Variants in DSG4 observed in about 807,000 individuals in gnomAD.
DSG4 encodes the protein desmoglein 4.
In DSG4, 87 loss-of-function variants were observed where a neutral mutation model predicts 93.1. That is an observed-to-expected ratio of 0.93 (90% confidence interval 0.79 to 1.12). DSG4 has a LOEUF of 1.12. Ranked by LOEUF, DSG4 falls within the 50% of genes most tolerant of loss-of-function variation. The probability of loss-of-function intolerance (pLI) is 0.00; values close to 1 mark genes in which losing one functional copy is unlikely to be tolerated. For synonymous variants in DSG4, 432 were observed against 452.9 expected (o/e 0.95, Z 0.59); for missense variants, 1,373 against 1,285.7 (o/e 1.07, Z -1.04).
chr18:31,377,304 A>C (rs577558345), intron 1 of DSG4, among the ~76,000 whole-genome samples: 1 of 152,352 alleles, frequency 6.6e-6, no homozygotes, highest in African/African-American at 2.4e-5. Flanking sequence ...GAAAACTGCC[A>C]GTGCAAATGG....
At chr18:31,390,595 A>G (rs2072236647) in intron 5 of DSG4, 61 bp from the exon 6 acceptor site, 1 of 1,601,814 alleles carries the variant, frequency 6.2e-7, no homozygotes, top group Admixed American at 1.7e-5. Flanking sequence ...CTTATGCCTA[A>G]TGATTTGCTG....
In DSG4 at chr18:31,376,922, T is replaced by C. The variant is rs2072083269; in HGVS notation, c.11T>C (p.Leu4Pro). Residue 4 changes from leucine to proline, a missense_variant, in exon 1 of 16, where the codon CTC becomes CCC. Leu to Pro is a moderately conservative substitution (Grantham distance 98, BLOSUM62 -3). Coordinates refer to ENST00000308128, the MANE Select transcript of DSG4 (RefSeq NM_177986.5). The stretch of plus-strand genomic sequence containing the variant: ...GAGAAACCCAAAGGAATGGATTGGC[T>C]CTTCTTCAGAAACATTTGCCTTTTG... MDW[L>P]FFRNICLLII... is the part of the protein sequence containing the mutation. 3 of 1,613,554 alleles carry C rather than the reference T, an allele frequency of 1.9e-6. No homozygotes were observed. The highest frequency in any genetic ancestry group is 2.5e-6 in the Non-Finnish European group (3 of 1,179,738).
chr18:31,396,354 CTTTTT>C (rs71383035), intron 8 of DSG4, among the ~76,000 whole-genome samples: 1 of 73,972 alleles, frequency 1.4e-5, no homozygotes, highest in Admixed American at 1.4e-4. Flanking sequence ...AGGGTCATTG[CTTTTT>C]TTTTTTTTTT....
At position 31,413,948 on chromosome 18, in the gene DSG4, T is replaced by A. The variant is rs1045324631; in HGVS notation, c.*353T>A. ...ACCAAGATGCCTTGTTCTTGGAAGT[T>A]ACAAAAGAAGCCCTGTCTACATCCA... On this transcript the variant is annotated 3_prime_UTR_variant, in exon 16 of 16. Coordinates refer to ENST00000308128, the MANE Select transcript of DSG4 (RefSeq NM_177986.5). 2 of 174,770 alleles carry A rather than the reference T, an allele frequency of 1.1e-5. No homozygotes were observed. Among genetic ancestry groups the A allele is most frequent in the African/African-American group, 4.8e-5 (2 of 41,908 alleles). 10.8% of individuals were successfully genotyped at this position (174,770 alleles called of 1,614,324 possible). A position where few individuals can be genotyped will look rare whatever the true frequency, so the allele number is the denominator to read the frequency against.
intron 12 of DSG4, among the ~76,000 whole-genome samples, chr18:31,408,513 T>C (rs2072451820): frequency 6.6e-6 from 1 of 152,264 alleles, no homozygotes; most frequent in Non-Finnish European, 1.5e-5. Context: ...AAAGCTGATT[T>C]TGCAACTTTG....
Position 31,392,275 on chromosome 18 carries a change from G to T in DSG4, c.940G>T (p.Asp314Tyr), listed in dbSNP as rs774927290. 2.5e-6 allele frequency: 4 copies of T among 1,613,762 alleles called. No homozygotes were observed. Among genetic ancestry groups the T allele is most frequent in the Non-Finnish European group, 2.5e-6 (3 of 1,179,836 alleles). The change falls in exon 8 of 16, where the codon GAT becomes TAT. Residue 314 changes from aspartate to tyrosine, a missense_variant. By Grantham distance (160) the Asp-to-Tyr change is radical. Coordinates refer to ENST00000308128, the MANE Select transcript of DSG4 (RefSeq NM_177986.5). ...LAQYLILSGN[D>Y]GNWFDIQTDP... ...TCAATATTTAATTCTCTCTGGAAATGATGGGAATTGGTTCGATATTCAAAC... is the reference window on the plus strand; with the variant it reads ...TCAATATTTAATTCTCTCTGGAAATTATGGGAATTGGTTCGATATTCAAAC...
At chr18:31,388,606 C>T (rs1264695566) in intron 4 of DSG4, 84 bp downstream of exon 4, 41 of 1,539,978 alleles carry the variant, frequency 2.7e-5, no homozygotes, top group South Asian at 2.2e-4. Context: ...TAATGGATTA[C>T]TTTTGATAAA....
intron 8 of DSG4, among the ~76,000 whole-genome samples, chr18:31,395,398 G>A (rs1412151160): frequency 6.6e-6 from 1 of 151,950 alleles, no homozygotes; most frequent in African/African-American, 2.4e-5. Flanking sequence ...CTTAAAAAGA[G>A]TAAGAAAAAA....
rs1277682156 is a variant in DSG4 at position 31,412,861 on chromosome 18, C to T, written c.2389C>T (p.Arg797Ter). The change falls in exon 16 of 16, where the codon CGA becomes TGA. Residue 797 changes from arginine (R) to a stop codon, truncating the protein, a stop_gained. Coordinates refer to ENST00000308128, the MANE Select transcript of DSG4 (RefSeq NM_177986.5). LOFTEE classifies it high-confidence loss of function. ...TGCTTATGCAGATGAAGATGAAGGT[C>T]GACCAGCCAATGACTGCTTGCTCAT... ...AYAYADEDEGRPANDCLLIYD... is the reference protein window; with the variant it reads ...AYAYADEDEG 1.2e-6 allele frequency: 2 copies of T among 1,614,128 alleles called. No individual in the cohort carries two copies. The highest frequency in any genetic ancestry group is 1.1e-5 in the South Asian group (1 of 91,066).
Position 31,392,141 on chromosome 18 carries a change from T to A in DSG4, c.820-14T>A. 1 of 1,613,078 alleles carries A rather than the reference T, an allele frequency of 6.2e-7. No homozygotes were observed. Among genetic ancestry groups the A allele is most frequent in the Non-Finnish European group, 8.5e-7 (1 of 1,179,304 alleles). Reference sequence around the variant, plus strand: ...GAAAATTCATTGACTACAAAATTGATCCTTGCATTTTAGTACTCAGCCAGT... The same window carrying A: ...GAAAATTCATTGACTACAAAATTGAACCTTGCATTTTAGTACTCAGCCAGT... On this transcript the variant is annotated splice_polypyrimidine_tract_variant and intron_variant, in intron 7 of 15. Transcript: ENST00000308128.
intron 12 of DSG4, 84 bp from the exon 13 acceptor site, chr18:31,409,368 C>G: frequency 6.2e-7 from 1 of 1,600,822 alleles, no homozygotes; most frequent in Non-Finnish European, 8.5e-7. Flanking sequence ...ATACTGCCAC[C>G]AAATGCTCCC....
At chr18:31,409,914 G>C (rs989481485) in intron 14 of DSG4, 106 bp downstream of exon 14, 2 of 1,296,878 alleles carry the variant, frequency 1.5e-6, no homozygotes, top group African/African-American at 1.5e-5. Context: ...CAGTCTCTTT[G>C]GGTGACAGTA....
rs151041569 is a variant in DSG4, at chr18:31,383,013, T to G, written c.49-2123T>G. On this transcript the variant is annotated intron_variant, in intron 1 of 15. Coordinates refer to ENST00000308128, the MANE Select transcript of DSG4 (RefSeq NM_177986.5). ...CTCATCCGTTTAAACTACAGACAAG[T>G]CTGCTTGATGTGGCTACTTTCAAGT... 2.1e-3 allele frequency among the ~76,000 whole-genome samples: 315 copies of G among 152,266 alleles called. 2 individuals carry two copies. The highest frequency in any genetic ancestry group is 7.3e-3 in the African/African-American group (304 of 41,568).
At chr18:31,398,549 C>T (rs907728642) in intron 8 of DSG4, among the ~76,000 whole-genome samples, 2 of 152,196 alleles carry the variant, frequency 1.3e-5, no homozygotes, top group Admixed American at 6.5e-5. Context: ...CCCTTCTAAG[C>T]AGACATTGTT....
At chr18:31,382,269 C>T (rs1374556885) in intron 1 of DSG4, 1 of 152,232 alleles carries the variant, frequency 6.6e-6, no homozygotes, top group Non-Finnish European at 1.5e-5. Flanking sequence ...CAAGCCACAT[C>T]AGTGGATGAT....
At chr18:31,403,321 T>A in intron 10 of DSG4, 95 bp from the exon 11 acceptor site, 1 of 1,064,032 alleles carries the variant, frequency 9.4e-7, no homozygotes. Context: ...CACGTATATG[T>A]TTCCTACAAG....
rs141009279 is a variant in DSG4 at position 31,407,229 on chromosome 18, G to A, written c.1933+856G>A. Among the ~76,000 whole-genome samples, 467 of 152,314 alleles carry A rather than the reference G, an allele frequency of 3.1e-3. 1 individual carries two copies. The highest frequency in any genetic ancestry group is 0.011 in the African/African-American group (452 of 41,572). On this transcript the variant is annotated intron_variant, in intron 12 of 15. Coordinates refer to ENST00000308128, the MANE Select transcript of DSG4 (RefSeq NM_177986.5). ...AGCAGAGAGGCAAAAGGGAGTCTGG[G>A]AGCCAGCATGGAGGCATGTTCATGA...
Position 31,412,885 on chromosome 18 carries a change from A to G in DSG4, c.2413A>G (p.Ile805Val). The change falls in exon 16 of 16, where the codon ATT becomes GTT. Residue 805 changes from isoleucine (I) to valine (V), a missense_variant. Physicochemically the swap from Ile to Val is conservative, Grantham distance 29 (BLOSUM62 3). Coordinates refer to ENST00000308128, the MANE Select transcript of DSG4 (RefSeq NM_177986.5). ...EGRPANDCLL[I>V]YDHEGVGSPV... Reference sequence around the variant, plus strand: ...TCGACCAGCCAATGACTGCTTGCTCATTTATGACCACGAGGGAGTCGGGTC... The same window carrying G: ...TCGACCAGCCAATGACTGCTTGCTCGTTTATGACCACGAGGGAGTCGGGTC... 6.2e-7 allele frequency: 1 copy of G among 1,614,218 alleles called. No homozygotes were observed. Among genetic ancestry groups the G allele is most frequent in the African/African-American group, 1.3e-5 (1 of 75,060 alleles).
intron 1 of DSG4, among the ~76,000 whole-genome samples, chr18:31,383,511 C>T (rs1043007499): frequency 1.3e-5 from 2 of 151,946 alleles, no homozygotes; most frequent in African/African-American, 4.8e-5. Flanking sequence ...TAGTTTAAAA[C>T]TAGAGTTTTT....
Sources: allele counts gnomAD v4.1 joint callset (sites outside exome capture counted in the v4.1 genomes callset), GRCh38; gene constraint gnomAD v4.1.1; transcripts MANE v1.5; gene names NCBI Gene and HGNC (gene_info 2026-07-23, HGNC 2026-07-21).